The following PLAC1 variants were observed in gnomAD, a reference collection of about 807,000 sequenced individuals.
The protein encoded by PLAC1 is placenta-specific protein 1.
For synonymous variants in PLAC1, 68 were observed against 62.1 expected, an observed-to-expected ratio of 1.09 and a Z score of -0.44; for missense variants, 136 against 163.2, an observed-to-expected ratio of 0.83 and a Z score of 0.91.
At chrX:134,644,505 C>T (rs1204824297) in intron 1 of PLAC1, among the ~76,000 whole-genome samples, 6 of 110,240 alleles carry the variant, frequency 5.4e-5, no homozygotes, top group Admixed American at 1.9e-4. Context: ...CATAGGTAAA[C>T]GTGTGCCATG....
intron 2 of PLAC1, among the ~76,000 whole-genome samples, chrX:134,701,408 A>G (rs1326099027): frequency 1.8e-5 from 2 of 111,900 alleles, no homozygotes; most frequent in African/African-American, 6.5e-5. Flanking sequence ...CCTCAAAAGC[A>G]ATTGCAACAA....
intron 1 of PLAC1, among the ~76,000 whole-genome samples, chrX:134,751,535 A>C (rs2078745025): frequency 8.9e-6 from 1 of 111,851 alleles, no homozygotes; most frequent in Non-Finnish European, 1.9e-5. Context: ...GACAGAAATA[A>C]AGCCACTAAA....
chrX:134,588,218 T>G (rs2078015450), intron 2 of PLAC1, among the ~76,000 whole-genome samples: 1 of 111,684 alleles, frequency 9.0e-6, no homozygotes, highest in Admixed American at 9.5e-5. Flanking sequence ...CTAGCTGTTT[T>G]GCTGAAAAAT....
At chrX:134,733,336 A>T (rs1421494832) in intron 2 of PLAC1, 3 of 110,245 alleles carry the variant, frequency 2.7e-5, no homozygotes, top group Non-Finnish European at 5.7e-5. Flanking sequence ...GGTTGGCCTT[A>T]TGGGTGTGGT....
At chrX:134,700,762 AC>A (rs962183477) in intron 2 of PLAC1, among the ~76,000 whole-genome samples, 6 of 112,308 alleles carry the variant, frequency 5.3e-5, no homozygotes, top group Non-Finnish European at 5.6e-5. Context: ...AATGAGAACT[AC>A]AAAACACTGC....
At chrX:134,585,272 A>T (rs777094575) in intron 2 of PLAC1, among the ~76,000 whole-genome samples, 6 of 106,434 alleles carry the variant, frequency 5.6e-5, no homozygotes, top group Non-Finnish European at 1.2e-4. Context: ...CTTGAACCCC[A>T]GGAGGTGGAG....
At chrX:134,631,351 G>C (rs1388013928) in intron 1 of PLAC1, among the ~76,000 whole-genome samples, 1 of 111,878 alleles carries the variant, frequency 8.9e-6, no homozygotes, top group East Asian at 2.8e-4. Flanking sequence ...AGGCCCAGCA[G>C]AAACAGTGGT....
chrX:134,648,441 T>C (rs757742812), intron 1 of PLAC1, among the ~76,000 whole-genome samples: 5 of 112,275 alleles, frequency 4.5e-5, no homozygotes, highest in Admixed American at 3.8e-4. Flanking sequence ...ATCTCAGCAC[T>C]TGGGGAGGCC....
rs747269344 is a variant in PLAC1, at chrX:134,646,592, G to A, written c.-131+11736C>T. On this transcript the variant is annotated intron_variant, in intron 1 of 2. Coordinates refer to ENST00000359237, the MANE Select transcript of PLAC1 (RefSeq NM_021796.4). ...CCACTGAATGTTATTGGATAAATAA[G>A]GAGTGCCTCTCTGCTTCCCCTGGAG... is the stretch of plus-strand genomic sequence containing the variant. 6.2e-5 allele frequency among the ~76,000 whole-genome samples: 7 copies of A among 112,598 alleles called. No homozygotes were observed. The East Asian group carries it at 1.7e-3, about 27-fold the overall frequency.
intron 2 of PLAC1, among the ~76,000 whole-genome samples, chrX:134,592,780 G>A (rs2078045161): frequency 1.0e-5 from 1 of 96,109 alleles, no homozygotes; most frequent in African/African-American, 4.0e-5. Context: ...CTGGAGTGCA[G>A]TGACGCGATC....
In PLAC1 at chrX:134,685,573, G is replaced by A. The variant is rs900794631; in HGVS notation, n.174+47862C>T. Among the ~76,000 whole-genome samples, 6 of 105,625 alleles carry A rather than the reference G, an allele frequency of 5.7e-5. No homozygotes were observed. The Admixed American group carries it at 6.4e-4, about 11-fold the overall frequency. 91.7% of individuals were successfully genotyped at this position (105,625 alleles called of 115,157 possible). On this transcript the variant is annotated intron_variant and non_coding_transcript_variant, in intron 2 of 2. Coordinates refer to the PLAC1 transcript ENST00000466797. ...AAGAACAGGTTAAGAGCTCCTCAGA[G>A]AAGCTCAAGCTTGGGTTTAAAAGCC...
chrX:134,585,337 ACT>A (rs1222549557), intron 2 of PLAC1, among the ~76,000 whole-genome samples: 2 of 109,392 alleles, frequency 1.8e-5, no homozygotes, highest in Admixed American at 9.8e-5. Flanking sequence ...ACAGAGTGAG[ACT>A]CTGTCTCAAA....
intron 2 of PLAC1, among the ~76,000 whole-genome samples, chrX:134,590,995 G>A (rs553966216): frequency 2.3e-4 from 25 of 110,907 alleles, no homozygotes; most frequent in African/African-American, 5.9e-4. Flanking sequence ...CACATGTCGA[G>A]AGAATGGCCA....
chrX:134,683,519 G>A (rs942067511), intron 2 of PLAC1, among the ~76,000 whole-genome samples: 1 of 111,404 alleles, frequency 9.0e-6, no homozygotes, highest in Non-Finnish European at 1.9e-5. Flanking sequence ...GATTGCCAGG[G>A]GTTTGCAAAC....
chrX:134,734,200 G>A (rs2078696781), intron 1 of PLAC1, among the ~76,000 whole-genome samples: 1 of 112,830 alleles, frequency 8.9e-6, no homozygotes, highest in Admixed American at 9.3e-5. Context: ...TAGGTTGAAG[G>A]TTTAGAATAA....
chrX:134,618,480 A>T (rs774044376), intron 1 of PLAC1, among the ~76,000 whole-genome samples: 2 of 111,707 alleles, frequency 1.8e-5, no homozygotes, highest in South Asian at 7.6e-4. Flanking sequence ...ATCATGGCTC[A>T]CTGTAGCCTC....
At chrX:134,762,524 T>C (rs768354610) in intron 1 of PLAC1, among the ~76,000 whole-genome samples, 12 of 110,987 alleles carry the variant, frequency 1.1e-4, no homozygotes, top group Non-Finnish European at 2.3e-4. Flanking sequence ...CGCCTATGTA[T>C]AGAAAAAGAT....
At chrX:134,733,910 C>A (rs1286142413) in intron 1 of PLAC1, among the ~76,000 whole-genome samples, 1 of 111,575 alleles carries the variant, frequency 9.0e-6, no homozygotes, top group Non-Finnish European at 1.9e-5. Context: ...GTTTGCAGAC[C>A]GATGTGATTT....
At chrX:134,752,722 A>C (rs2078747621) in intron 1 of PLAC1, among the ~76,000 whole-genome samples, 1 of 111,850 alleles carries the variant, frequency 8.9e-6, no homozygotes, top group Admixed American at 9.5e-5. Context: ...CTTGAAATGT[A>C]AATTCAACAT....
Sources: allele counts gnomAD v4.1 joint callset (sites outside exome capture counted in the v4.1 genomes callset), GRCh38; gene constraint gnomAD v4.1.1; transcripts MANE v1.5; gene names NCBI Gene and HGNC (gene_info 2026-07-23, HGNC 2026-07-21).